Variants in DHRSX observed in about 807,000 individuals in gnomAD.
DHRSX encodes dehydrogenase/reductase X-linked, also known as polyprenol dehydrogenase.
DHRSX carries 31 observed loss-of-function variants against 34.0 expected under a neutral mutation model. The observed-to-expected ratio is 0.91, with a 90% CI of 0.69 to 1.23. The LOEUF (loss-of-function observed/expected upper bound fraction) is 1.23. DHRSX is among the 50% of genes most tolerant of loss of function. The pLI, the probability that DHRSX is intolerant of heterozygous loss-of-function variation, is 0.00. For missense variants in DHRSX, 414 were observed against 428.1 expected, an observed-to-expected ratio of 0.97 and a Z score of 0.29; for synonymous variants, 201 against 183.8, an observed-to-expected ratio of 1.09 and a Z score of -0.76.
chrX:2,269,713 T>C (rs1226042185), intron 4 of DHRSX, among the ~76,000 whole-genome samples: 1 of 152,152 alleles, frequency 6.6e-6, no homozygotes, highest in Non-Finnish European at 1.5e-5. Flanking sequence ...AATTTTTCTG[T>C]ATTTTCAGTA....
intron 1 of DHRSX, among the ~76,000 whole-genome samples, chrX:2,493,293 G>A (rs1194075787): frequency 1.3e-5 from 2 of 152,138 alleles, no homozygotes; most frequent in Non-Finnish European, 2.9e-5. Context: ...CTGAGTGACA[G>A]GACACAGCTG....
intron 1 of DHRSX, among the ~76,000 whole-genome samples, chrX:2,454,748 AACG>A (rs1273078999): frequency 1.3e-5 from 2 of 152,050 alleles, no homozygotes; most frequent in African/African-American, 4.8e-5. Flanking sequence ...CATACCTCAA[AACG>A]ACGTCATGTA....
chrX:2,291,888 A>ATTTTTTTTTT (rs2041870137), intron 3 of DHRSX, among the ~76,000 whole-genome samples: 2 of 89,296 alleles, frequency 2.2e-5, no homozygotes, highest in African/African-American at 4.6e-5. Flanking sequence ...TAATTTTTGT[A>ATTTTTTTTTT]TTTTTGTATT....
intron 6 of DHRSX, among the ~76,000 whole-genome samples, chrX:2,222,756 C>G (rs2015550393): frequency 6.6e-6 from 1 of 152,172 alleles, no homozygotes; most frequent in Non-Finnish European, 1.5e-5. Context: ...AAAGGGTGGA[C>G]TCTGTGGGGT....
intron 3 of DHRSX, among the ~76,000 whole-genome samples, chrX:2,380,019 G>A (rs2043185053): frequency 6.6e-6 from 1 of 151,972 alleles, no homozygotes; most frequent in East Asian, 1.9e-4. Context: ...TGCATTGGCC[G>A]GGCCCATTCG....
chrX:2,489,421 C>G (rs772761841), intron 1 of DHRSX: 2 of 1,613,902 alleles, frequency 1.2e-6, no homozygotes, highest in African/African-American at 2.7e-5. Context: ...TGATGTTGAG[C>G]GTGGTGTTCA....
At chrX:2,455,756 A>ATAAAT (rs1460363747) in intron 1 of DHRSX, among the ~76,000 whole-genome samples, 5 of 151,648 alleles carry the variant, frequency 3.3e-5, no homozygotes, top group African/African-American at 1.2e-4. Context: ...AAAAAAAAAA[A>ATAAAT]AAAAACAATA....
intron 3 of DHRSX, among the ~76,000 whole-genome samples, chrX:2,368,250 A>G (rs1306405069): frequency 6.6e-6 from 1 of 151,738 alleles, no homozygotes; most frequent in Non-Finnish European, 1.5e-5. Flanking sequence ...CTCAAAAAAA[A>G]AAAAAAGAAA....
intron 3 of DHRSX, among the ~76,000 whole-genome samples, chrX:2,363,064 T>G (rs2042953482): frequency 7.3e-6 from 1 of 137,418 alleles, no homozygotes; most frequent in Non-Finnish European, 1.6e-5. Flanking sequence ...ATCACCGTTC[T>G]ATGGTATCAT....
chrX:2,300,518 C>T (rs887610181), intron 3 of DHRSX, among the ~76,000 whole-genome samples: 1 of 152,104 alleles, frequency 6.6e-6, no homozygotes, highest in African/African-American at 2.4e-5. Context: ...CACCCTTAAT[C>T]GGGGTGGGCA....
At chrX:2,242,603 A>G (rs1329120014) in intron 6 of DHRSX, among the ~76,000 whole-genome samples, 3 of 152,090 alleles carry the variant, frequency 2.0e-5, no homozygotes, top group Admixed American at 2.0e-4. Context: ...AGCTTGCAGT[A>G]AAGAAGCGGG....
At chrX:2,421,372 G>A (rs753048986) in intron 2 of DHRSX, among the ~76,000 whole-genome samples, 3 of 152,040 alleles carry the variant, frequency 2.0e-5, no homozygotes, top group African/African-American at 7.2e-5. Flanking sequence ...AGAGTGAGAC[G>A]CTGTCTCAAA....
chrX:2,399,286 A>G (rs1281991489), intron 3 of DHRSX, among the ~76,000 whole-genome samples: 1 of 152,020 alleles, frequency 6.6e-6, no homozygotes, highest in Non-Finnish European at 1.5e-5. Context: ...GCATGAGTCT[A>G]TCTGTTTATC....
chrX:2,352,203 G>T (rs1255654684), intron 3 of DHRSX, among the ~76,000 whole-genome samples: 1 of 152,012 alleles, frequency 6.6e-6, no homozygotes, highest in Non-Finnish European at 1.5e-5. Flanking sequence ...CCTAAACTAT[G>T]ATATAATCCT....
rs1026000279 is a variant in DHRSX, at chrX:2,437,015, T to G, written c.110-11711A>C. Among the ~76,000 whole-genome samples the G allele has an allele frequency of 3.4e-4, 52 of 152,126 alleles. 1 individual carries two copies. The highest frequency in any genetic ancestry group is 6.8e-3 in the Middle Eastern group (2 of 294). On this transcript the variant is annotated intron_variant, in intron 1 of 6. Coordinates refer to ENST00000334651, the MANE Select transcript of DHRSX (RefSeq NM_145177.3). ...CTGCCTTGAATCCTTTCTCTTTTTT[T>G]GAGACCGAGTCTCGCTCTGTTGCCC...
At chrX:2,298,189 G>A (rs2041957439) in intron 3 of DHRSX, among the ~76,000 whole-genome samples, 1 of 152,028 alleles carries the variant, frequency 6.6e-6, no homozygotes, top group African/African-American at 2.4e-5. Context: ...GGAGCTGGGG[G>A]AGGCCAAAAG....
At chrX:2,358,291 C>G (rs139797913) in intron 3 of DHRSX, among the ~76,000 whole-genome samples, 2,786 of 152,178 alleles carry the variant, frequency 0.018, 51 homozygotes, top group Middle Eastern at 0.048. Context: ...TTATAAGGAA[C>G]TTAAACAAAT....
rs190414447 is a variant in DHRSX, at chrX:2,405,402, C to A, written c.286+3343G>T. Reference sequence around the variant, plus strand: ...ACTCGGGAGGCTGAGGCAGGAGAATCGCTTGAACCCGGGCCACAGAGGTTG... The same window carrying A: ...ACTCGGGAGGCTGAGGCAGGAGAATAGCTTGAACCCGGGCCACAGAGGTTG... On this transcript the variant is annotated intron_variant, in intron 3 of 6. Coordinates refer to ENST00000334651, the MANE Select transcript of DHRSX (RefSeq NM_145177.3). Among the ~76,000 whole-genome samples, 1,030 of 152,106 alleles carry A rather than the reference C, an allele frequency of 6.8e-3. 5 individuals are homozygous for A. Among genetic ancestry groups the A allele is most frequent in the African/African-American group, 0.024 (982 of 41,478 alleles).
intron 5 of DHRSX, among the ~76,000 whole-genome samples, chrX:2,243,879 C>T (rs1480976228): frequency 6.9e-6 from 1 of 145,380 alleles, no homozygotes; most frequent in Non-Finnish European, 1.5e-5. Context: ...AAGCGAATCT[C>T]GTGCCTCAGC....
Sources: gnomAD v4.1 joint callset for allele counts (sites outside exome capture counted in the v4.1 genomes callset) on GRCh38, gnomAD v4.1.1 for gene constraint, MANE v1.5 for transcripts, NCBI Gene and HGNC (gene_info 2026-07-23, HGNC 2026-07-21) for gene names.